ORC3: variants seen among roughly 807,000 people sequenced by gnomAD.
ORC3 encodes the protein origin recognition complex subunit 3.
Under a neutral mutation model 100.7 loss-of-function variants are expected in ORC3, and 78 were observed. The ratio of observed to expected loss-of-function variants is 0.77; its 90% confidence interval spans 0.65 to 0.94. The LOEUF is 0.94. Among genes scored for constraint, ORC3 ranks in the 40% least tolerant of loss-of-function variants. ORC3 has a pLI of 0.00. For synonymous variants in ORC3, 295 were observed against 289.3 expected, an observed-to-expected ratio of 1.02 and a Z score of -0.20; for missense variants, 789 against 823.9, an observed-to-expected ratio of 0.96 and a Z score of 0.52.
rs149073761 is a variant in ORC3, at chr6:87,611,923, T to C, written c.714-166T>C. On this transcript the variant is annotated intron_variant, in intron 7 of 19. Transcript: ENST00000392844. ...GGAAAGTAATTATTTCTCTGTTTAA[T>C]AGAAGAAAGTGAAAGACTTAGAAAA... Among the ~76,000 whole-genome samples the C allele has an allele frequency of 1.8e-3, 280 of 152,350 alleles. 1 individual carries two copies. Among genetic ancestry groups the C allele is most frequent in the Middle Eastern group, 0.017 (5 of 294 alleles).
chr6:87,672,815 TCA>T, the ORC3 span, among the ~76,000 whole-genome samples: 13 of 152,192 alleles, frequency 8.5e-5, no homozygotes, highest in Non-Finnish European at 1.9e-4. Context: ...TTTATTTTTC[TCA>T]GATTGCCTAT....
At chr6:87,643,392 C>G (rs187393590) in intron 13 of ORC3, among the ~76,000 whole-genome samples, 1 of 146,592 alleles carries the variant, frequency 6.8e-6, no homozygotes, top group East Asian at 2.1e-4. Context: ...CAAATACTTC[C>G]AGAAAATAAA....
chr6:87,601,702 T>TAA, intron 2 of ORC3, 82 bp from the exon 3 acceptor site: 1 of 811,178 alleles, frequency 1.2e-6, no homozygotes, highest in Non-Finnish European at 2.0e-6. Flanking sequence ...TTCTGTCACT[T>TAA]ACTGTGTAAC....
rs1489898332 is a variant in ORC3 at position 87,630,486 on chromosome 6, G to A, written c.1186-4359G>A. 2.0e-5 allele frequency among the ~76,000 whole-genome samples: 3 copies of A among 152,142 alleles called. No individual in the cohort carries two copies. The East Asian group carries it at 5.8e-4, about 29-fold the overall frequency. On this transcript the variant is annotated intron_variant, in intron 11 of 19. Coordinates refer to ENST00000392844, the MANE Select transcript of ORC3 (RefSeq NM_012381.4). Reference sequence around the variant, plus strand: ...TTCATTCAGCCAATATTTTTCTAGTGCCTATTATGTGCCCGGTGTTAATCT... The same window carrying A: ...TTCATTCAGCCAATATTTTTCTAGTACCTATTATGTGCCCGGTGTTAATCT...
chr6:87,597,226 A>G (rs1280817615), intron 2 of ORC3, among the ~76,000 whole-genome samples: 2 of 152,188 alleles, frequency 1.3e-5, no homozygotes, highest in Admixed American at 6.5e-5. Flanking sequence ...AATTTTACAT[A>G]ATATTTTAAA....
At chr6:87,638,999 T>G (rs1403918695) in intron 13 of ORC3, among the ~76,000 whole-genome samples, 1 of 151,996 alleles carries the variant, frequency 6.6e-6, no homozygotes, top group Non-Finnish European at 1.5e-5. Flanking sequence ...CAGTGTACCT[T>G]GTTTCATGCA....
At chr6:87,672,234 AT>A (rs1349914711), downstream of ORC3, among the ~76,000 whole-genome samples, 2 of 152,226 alleles carry the variant, frequency 1.3e-5, no homozygotes, top group African/African-American at 4.8e-5. Flanking sequence ...GGAAGGGGTA[AT>A]AAACTGGAGG....
chr6:87,644,515 A>T (rs1768587397), intron 13 of ORC3, among the ~76,000 whole-genome samples: 1 of 151,976 alleles, frequency 6.6e-6, no homozygotes, highest in Admixed American at 6.5e-5. Flanking sequence ...AGCCTGGCCA[A>T]CATAGTGAAA....
At chr6:87,608,750 A>G (rs1446872816) in intron 6 of ORC3, among the ~76,000 whole-genome samples, 1 of 152,184 alleles carries the variant, frequency 6.6e-6, no homozygotes, top group Non-Finnish European at 1.5e-5. Flanking sequence ...TAAAAATACT[A>G]GTTCTCACTA....
rs1044063642 is a variant in ORC3 at position 87,590,174 on chromosome 6, T to C, written c.6T>C (p.Ala2=). The change falls in exon 1 of 20, where the codon GCT becomes GCC. Residue 2 remains alanine, a synonymous_variant. Transcript: ENST00000392844. M[A]TSSMSKGCFV... ...TACGCAGAGTCAGTAAGACCATGGC[T>C]ACGTCCTCGATGTCTAAGGTATGTG... 6.2e-7 allele frequency: 1 copy of C among 1,614,168 alleles called. No homozygotes were observed. The highest frequency in any genetic ancestry group is 8.5e-7 in the Non-Finnish European group (1 of 1,179,956).
chr6:87,670,188 C>T (rs927097125), downstream of ORC3, among the ~76,000 whole-genome samples: 2 of 152,026 alleles, frequency 1.3e-5, no homozygotes, highest in Non-Finnish European at 2.9e-5. Flanking sequence ...TTTTCTTTTT[C>T]GAGACAGAAT....
Position 87,598,713 on chromosome 6 carries a change from G to A in ORC3, c.80-3071G>A, listed in dbSNP as rs557010859. ...AGACCAACGGGTAGTGTTATAATAC[G>A]AAAATCTTTGAGGAATTGACCCTGA... On this transcript the variant is annotated intron_variant, in intron 2 of 19. Coordinates refer to ENST00000392844, the MANE Select transcript of ORC3 (RefSeq NM_012381.4). Among the ~76,000 whole-genome samples, 30 of 150,484 alleles carry A rather than the reference G, an allele frequency of 2.0e-4. 1 individual carries two copies. The South Asian group carries it at 3.2e-3, about 16-fold the overall frequency.
At chr6:87,673,832 T>G in the ORC3 span, among the ~76,000 whole-genome samples, 1 of 148,538 alleles carries the variant, frequency 6.7e-6, no homozygotes, top group South Asian at 2.1e-4. Flanking sequence ...AGAGCAAGAC[T>G]CCATCTCAAA....
intron 13 of ORC3, among the ~76,000 whole-genome samples, chr6:87,642,547 C>T (rs1392098433): frequency 2.6e-5 from 4 of 152,090 alleles, no homozygotes; most frequent in Admixed American, 6.6e-5. Flanking sequence ...CACACCACTG[C>T]ACTCCAGCCT....
rs570332823 is a variant in ORC3, at chr6:87,594,348, T to C, written c.25-5T>C. The C allele has an allele frequency of 6.3e-7, 1 of 1,576,460 alleles. No individual in the cohort carries two copies. The highest frequency in any genetic ancestry group is 8.7e-7 in the Non-Finnish European group (1 of 1,154,056). On this transcript the variant is annotated splice_region_variant and splice_polypyrimidine_tract_variant and intron_variant, in intron 1 of 19. Coordinates refer to ENST00000392844, the MANE Select transcript of ORC3 (RefSeq NM_012381.4). ...ACTTTATGCTTTTCGTCTTTCTTTT[T>C]ATAGGGTTGCTTTGTTTTTAAGCCA...
intron 1 of ORC3, among the ~76,000 whole-genome samples, chr6:87,593,528 A>T (rs965733100): frequency 6.6e-6 from 1 of 152,226 alleles, no homozygotes; most frequent in African/African-American, 2.4e-5. Flanking sequence ...ATGAGTGTTG[A>T]GTCAAACTTT....
Position 87,667,310 on chromosome 6 carries a change from T to C in ORC3, c.*187T>C. ...TGTATCAAAACACCTGTGGAGTACT[T>C]TAGACTCCAACAAATAATAATGTAA... On this transcript the variant is annotated 3_prime_UTR_variant, in exon 20 of 20. Transcript: ENST00000392844. 2.2e-6 allele frequency: 1 copy of C among 458,418 alleles called. No individual in the cohort carries two copies. Among genetic ancestry groups the C allele is most frequent in the East Asian group, 3.4e-5 (1 of 29,788 alleles). 28.4% of individuals were successfully genotyped at this position (458,418 alleles called of 1,614,324 possible).
chr6:87,632,260 G>A (rs1314814406), intron 11 of ORC3, among the ~76,000 whole-genome samples: 1 of 152,214 alleles, frequency 6.6e-6, no homozygotes, highest in Non-Finnish European at 1.5e-5. Flanking sequence ...TAGAGGACAT[G>A]TTATAAGAAA....
chr6:87,612,093 C>T lies in ORC3; in HGVS notation c.718C>T (p.His240Tyr). The change falls in exon 8 of 20, where the codon CAT (histidine) becomes TAT (tyrosine). Residue 240 changes from histidine (H) to tyrosine (Y), a missense_variant. Transcript: ENST00000392844. ...GTGTCTGTCTTTCAAAACTAGTCAA[C>T]ATCTCCATGAATTTCCACTAATACT... is the stretch of plus-strand genomic sequence containing the variant. ...LQDFIIISSQ[H>Y]LHEFPLILIF... The T allele has an allele frequency of 6.2e-7, 1 of 1,607,730 alleles. No individual in the cohort carries two copies. The highest frequency in any genetic ancestry group is 8.5e-7 in the Non-Finnish European group (1 of 1,178,546).
Sources: allele counts gnomAD v4.1 joint callset (sites outside exome capture counted in the v4.1 genomes callset), GRCh38; gene constraint gnomAD v4.1.1; transcripts MANE v1.5; gene names NCBI Gene and HGNC (gene_info 2026-07-23, HGNC 2026-07-21).